Variants in MINDY4 observed in about 807,000 individuals in gnomAD.
The protein encoded by MINDY4 is probable ubiquitin carboxyl-terminal hydrolase MINDY-4.
In MINDY4, 68 loss-of-function variants were observed where a neutral mutation model predicts 87.0. The observed-to-expected ratio is 0.78, with a 90% CI of 0.64 to 0.96. The LOEUF (loss-of-function observed/expected upper bound fraction) is 0.96. Ranked by LOEUF, MINDY4 falls within the 40% of genes least tolerant of loss-of-function variation. The probability of loss-of-function intolerance (pLI) is 0.00; values close to 1 mark genes in which losing one functional copy is unlikely to be tolerated. For synonymous variants in MINDY4, 379 were observed against 363.2 expected (o/e 1.04, Z -0.50); for missense variants, 919 against 928.2 (o/e 0.99, Z 0.13).
chr7:30,852,421 G>A (rs1170424627), intron 11 of MINDY4, 142 bp downstream of exon 11: 4 of 1,480,048 alleles, frequency 2.7e-6, no homozygotes, highest in Admixed American at 4.5e-5. Flanking sequence ...CTGGGATTAG[G>A]GTGGGGACAG....
At chr7:30,831,386 C>T (rs889991533) in intron 6 of MINDY4, among the ~76,000 whole-genome samples, 25 of 152,210 alleles carry the variant, frequency 1.6e-4, no homozygotes, top group Admixed American at 1.2e-3. Context: ...TTAGTCATCT[C>T]TTACCTCTGT....
At chr7:30,774,810 G>A (rs1036990657) in intron 1 of MINDY4, among the ~76,000 whole-genome samples, 2 of 151,858 alleles carry the variant, frequency 1.3e-5, no homozygotes, top group African/African-American at 2.4e-5. Flanking sequence ...TAGTTTCTCT[G>A]TCCTGTGCAC....
Position 30,892,315 on chromosome 7 carries a change from G to T in MINDY4, c.*310G>T, listed in dbSNP as rs1408889130. ...CCCTGCTGGGTGGTCCCTCACCCAG[G>T]CCTCCAATGTGGTTGGCCCTGGGGA... On this transcript the variant is annotated 3_prime_UTR_variant, in exon 18 of 18. Transcript: ENST00000265299. 2.6e-6 allele frequency: 1 copy of T among 383,786 alleles called. No homozygotes were observed. The highest frequency in any genetic ancestry group is 4.7e-6 in the Non-Finnish European group (1 of 211,436). The allele number at this position is 383,786 out of a possible 1,614,324, so 23.8% of individuals were successfully genotyped here. A position where few individuals can be genotyped will look rare whatever the true frequency, so the allele number is the denominator to read the frequency against.
chr7:30,880,702 C>T (rs1333649423), intron 15 of MINDY4, among the ~76,000 whole-genome samples: 12 of 152,176 alleles, frequency 7.9e-5, no homozygotes, highest in Admixed American at 4.6e-4. Context: ...CGTCCAGCCA[C>T]GTCCTGTAAG....
intron 5 of MINDY4, 132 bp from the exon 6 acceptor site, chr7:30,828,547 G>A: frequency 1.2e-6 from 1 of 853,970 alleles, no homozygotes; most frequent in East Asian, 2.5e-5. Flanking sequence ...AGTATTCAAG[G>A]CACACAGAGG....
chr7:30,869,275 T>C (rs1267984895), intron 13 of MINDY4, among the ~76,000 whole-genome samples: 1 of 152,174 alleles, frequency 6.6e-6, no homozygotes, highest in Non-Finnish European at 1.5e-5. Flanking sequence ...GGATGCTGCA[T>C]GTTCTTGGAG....
chr7:30,816,830 A>G (rs759831063), intron 5 of MINDY4, among the ~76,000 whole-genome samples: 3 of 152,250 alleles, frequency 2.0e-5, no homozygotes, highest in Non-Finnish European at 4.4e-5. Context: ...ATGTCAGGCC[A>G]GCAATTCTAG....
At chr7:30,833,220 C>T (rs919530477) in intron 6 of MINDY4, among the ~76,000 whole-genome samples, 1 of 152,102 alleles carries the variant, frequency 6.6e-6, no homozygotes, top group Non-Finnish European at 1.5e-5. Context: ...AAAACATACC[C>T]GAGATTGGGC....
At chr7:30,809,350 C>A (rs550005736) in intron 5 of MINDY4, among the ~76,000 whole-genome samples, 2 of 146,072 alleles carry the variant, frequency 1.4e-5, no homozygotes, top group East Asian at 4.0e-4. Flanking sequence ...TGTGAGCACA[C>A]CTCACCAGTT....
chr7:30,771,457 C>T lies in MINDY4; in HGVS notation c.-37C>T, dbSNP rs753635189. 2.5e-6 allele frequency: 4 copies of T among 1,587,256 alleles called. No homozygotes were observed. Among genetic ancestry groups the T allele is most frequent in the South Asian group, 1.2e-5 (1 of 86,558 alleles). On this transcript the variant is annotated 5_prime_UTR_variant, in exon 1 of 18. Transcript: ENST00000265299. ...GACCCAGTTGCCTGGTGCTGCGGCC[C>T]GGCGTGGGCCTCGTGGGCAGAGCCA...
chr7:30,793,757 G>A (rs1049187262), intron 5 of MINDY4, among the ~76,000 whole-genome samples: 1 of 152,138 alleles, frequency 6.6e-6, no homozygotes, highest in Non-Finnish European at 1.5e-5. Context: ...AGGAAAAAGG[G>A]TAAAGCTGAG....
Position 30,782,068 on chromosome 7 carries a change from A to G in MINDY4, c.275A>G (p.Asp92Gly), listed in dbSNP as rs1382552318. Residue 92 changes from aspartate (D) to glycine (G), a missense_variant, in exon 3 of 18, where the codon GAT becomes GGT. Physicochemically the swap from Asp to Gly is moderately conservative, Grantham distance 94. Coordinates refer to ENST00000265299, the MANE Select transcript of MINDY4 (RefSeq NM_032222.3). ...AATACGGCTAACAATTTCACTCAAG[A>G]TACCCCAATCCCTGCACTCTCAGTT... Reference protein sequence around the residue: ...FGNTANNFTQDTPIPALSVPK... With the variant: ...FGNTANNFTQGTPIPALSVPK... 1.2e-6 allele frequency: 2 copies of G among 1,614,178 alleles called. No homozygotes were observed. The highest frequency in any genetic ancestry group is 3.3e-5 in the Admixed American group (2 of 60,024).
Position 30,785,802 on chromosome 7 carries a change from C to A in MINDY4, c.473C>A (p.Pro158His). Reference sequence around the variant, plus strand: ...GGTAATTTTGTATCATCTAAAAGGCCCCCGCACAAAAGTAAGCCCATGCAG... The same window carrying A: ...GGTAATTTTGTATCATCTAAAAGGCACCCGCACAAAAGTAAGCCCATGCAG... ...VLGNFVSSKR[P>H]PHKSKPMQTV... The change falls in exon 4 of 18, where the codon CCC becomes CAC. Residue 158 changes from proline to histidine, a missense_variant. By Grantham distance (77) the Pro-to-His change is moderately conservative. Transcript: ENST00000265299. 1 of 1,614,144 alleles carries A rather than the reference C, an allele frequency of 6.2e-7. No homozygotes were observed. Among genetic ancestry groups the A allele is most frequent in the Non-Finnish European group, 8.5e-7 (1 of 1,180,034 alleles).
At chr7:30,831,887 T>A (rs1788713766) in intron 6 of MINDY4, among the ~76,000 whole-genome samples, 1 of 152,254 alleles carries the variant, frequency 6.6e-6, no homozygotes. Context: ...AACCCCTTGC[T>A]TCTTTTCAAT....
chr7:30,869,544 G>A (rs938985808), intron 13 of MINDY4, among the ~76,000 whole-genome samples: 1 of 152,096 alleles, frequency 6.6e-6, no homozygotes, highest in East Asian at 1.9e-4. Flanking sequence ...TCTCTCCCGG[G>A]CTCGCAGGTG....
chr7:30,791,264 A>C lies in MINDY4; in HGVS notation c.763A>C (p.Thr255Pro), dbSNP rs778007380. 1 of 1,614,090 alleles carries C rather than the reference A, an allele frequency of 6.2e-7. No homozygotes were observed. Among genetic ancestry groups the C allele is most frequent in the Non-Finnish European group, 8.5e-7 (1 of 1,180,010 alleles). ...SRKVPELFVCTQQDILASSNS... is the reference protein window; with the variant it reads ...SRKVPELFVCPQQDILASSNS... The stretch of plus-strand genomic sequence containing the variant: ...GAAGGTCCCTGAGCTCTTTGTCTGC[A>C]CCCAACAGGACATTCTGGCTTCGAG... Residue 255 changes from threonine (T) to proline (P), a missense_variant, in exon 5 of 18, where the codon ACC becomes CCC. Physicochemically the swap from Thr to Pro is conservative, Grantham distance 38 (BLOSUM62 -1). Coordinates refer to ENST00000265299, the MANE Select transcript of MINDY4 (RefSeq NM_032222.3).
intron 8 of MINDY4, among the ~76,000 whole-genome samples, chr7:30,839,602 G>C (rs1179224243): frequency 6.6e-6 from 1 of 152,182 alleles, no homozygotes; most frequent in Non-Finnish European, 1.5e-5. Flanking sequence ...GCAGGAGAGA[G>C]AGCAGTAGGA....
rs145605366 is a variant in MINDY4, at chr7:30,830,059, G to A, written c.1132+1322G>A. 3.1e-3 allele frequency among the ~76,000 whole-genome samples: 471 copies of A among 152,102 alleles called. 3 individuals carry two copies. The highest frequency in any genetic ancestry group is 0.011 in the African/African-American group (442 of 41,468). Reference sequence around the variant, plus strand: ...AGAGTTCATGAAAGGAAAGGAAGGAGAAGTCTTGTGGGGGCCAGGGGGTTG... The same window carrying A: ...AGAGTTCATGAAAGGAAAGGAAGGAAAAGTCTTGTGGGGGCCAGGGGGTTG... On this transcript the variant is annotated intron_variant, in intron 6 of 17. Transcript: ENST00000265299.
intron 17 of MINDY4, among the ~76,000 whole-genome samples, chr7:30,884,460 G>A (rs897007425): frequency 1.3e-5 from 2 of 152,198 alleles, no homozygotes; most frequent in Non-Finnish European, 2.9e-5. Context: ...ATGAGAGAAA[G>A]GCAGCAGTGG....
Sources: allele counts gnomAD v4.1 joint callset (sites outside exome capture counted in the v4.1 genomes callset), GRCh38; gene constraint gnomAD v4.1.1; transcripts MANE v1.5; gene names NCBI Gene and HGNC (gene_info 2026-07-23, HGNC 2026-07-21).